Variants in SRSF12 observed in about 807,000 individuals in gnomAD.
The protein encoded by SRSF12 is serine/arginine-rich splicing factor 12.
Under a neutral mutation model 34.1 loss-of-function variants are expected in SRSF12, and 21 were observed. That is an observed-to-expected ratio of 0.62 (90% CI 0.44 to 0.89). The LOEUF (loss-of-function observed/expected upper bound fraction) is 0.89, where lower values mean the gene tolerates loss of function less well. Ranked by LOEUF, SRSF12 falls within the 40% of genes least tolerant of loss-of-function variation. The probability of loss-of-function intolerance (pLI) is 0.00; values close to 1 mark genes in which losing one functional copy is unlikely to be tolerated. For synonymous variants in SRSF12, 111 were observed against 110.8 expected (o/e 1.00, Z -0.01); for missense variants, 278 against 327.8 (o/e 0.85, Z 1.17).
At chr6:89,106,070 T>C (rs6454734) in intron 2 of SRSF12, 99,388 of 152,090 alleles carry the variant, frequency 0.65, 33,260 homozygotes, top group East Asian at 0.78. Flanking sequence ...AAACCGGATT[T>C]AGTGCTTTAA....
chr6:89,103,039 C>T (rs972949635), intron 4 of SRSF12, among the ~76,000 whole-genome samples: 2 of 152,152 alleles, frequency 1.3e-5, no homozygotes, highest in Non-Finnish European at 2.9e-5. Flanking sequence ...GCTGGGATCA[C>T]AGGTGTGAGC....
intron 2 of SRSF12, among the ~76,000 whole-genome samples, chr6:89,106,447 A>G (rs1362943712): frequency 6.6e-6 from 1 of 152,206 alleles, no homozygotes; most frequent in Non-Finnish European, 1.5e-5. Flanking sequence ...GGATATAAAT[A>G]TAAAAGAAAC....
At chr6:89,110,492 C>T (rs1259005690) in intron 1 of SRSF12, among the ~76,000 whole-genome samples, 1 of 152,164 alleles carries the variant, frequency 6.6e-6, no homozygotes, top group African/African-American at 2.4e-5. Context: ...TACAAAGTTA[C>T]ACATGAAGAC....
intron 1 of SRSF12, among the ~76,000 whole-genome samples, chr6:89,111,674 C>T (rs1478221735): frequency 1.3e-5 from 2 of 152,040 alleles, no homozygotes; most frequent in Non-Finnish European, 2.9e-5. Context: ...TGCAATAAAA[C>T]GTTGGCGGTT....
At chr6:89,113,258 C>T (rs552257842) in intron 1 of SRSF12, among the ~76,000 whole-genome samples, 1 of 152,280 alleles carries the variant, frequency 6.6e-6, no homozygotes, top group South Asian at 2.1e-4. Flanking sequence ...ACTGCAACCT[C>T]TGCCTCCCAG....
At chr6:89,100,282 T>A (rs1207092164) in intron 4 of SRSF12, among the ~76,000 whole-genome samples, 2 of 151,972 alleles carry the variant, frequency 1.3e-5, no homozygotes, top group Non-Finnish European at 2.9e-5. Context: ...GAGTTCAAAC[T>A]CCCAAAAGGT....
chr6:89,113,817 A>AT (rs1769168497), intron 1 of SRSF12, among the ~76,000 whole-genome samples: 2 of 151,826 alleles, frequency 1.3e-5, no homozygotes, highest in Non-Finnish European at 2.9e-5. Context: ...TAATTTTTGT[A>AT]TTTTTTGGTG....
chr6:89,115,044 C>G (rs975876278), intron 1 of SRSF12, among the ~76,000 whole-genome samples: 7 of 152,102 alleles, frequency 4.6e-5, no homozygotes, highest in African/African-American at 1.7e-4. Flanking sequence ...GATCTGCCCA[C>G]CTCGGCCTCC....
rs1353724257 is a variant in SRSF12 at position 89,117,960 on chromosome 6, C to T, written c.-73G>A. ...GCTCCGTCTCCCGCTACCGCTGCTACCACCACAGGAGCTCCGCCGGCCCCC... is the reference window on the plus strand; with the variant it reads ...GCTCCGTCTCCCGCTACCGCTGCTATCACCACAGGAGCTCCGCCGGCCCCC... On this transcript the variant is annotated 5_prime_UTR_variant, in exon 1 of 5. Transcript: ENST00000452027. The T allele has an allele frequency of 2.0e-6, 3 of 1,465,390 alleles. No homozygotes were observed. The highest frequency in any genetic ancestry group is 2.7e-6 in the Non-Finnish European group (3 of 1,091,546). 90.8% of individuals were successfully genotyped at this position (1,465,390 alleles called of 1,614,324 possible).
rs368228595 is a variant in SRSF12, at chr6:89,117,781, G to T, written c.65+42C>A. 69 of 1,519,484 alleles carry T rather than the reference G, an allele frequency of 4.5e-5. No homozygotes were observed. The African/African-American group carries it at 7.8e-4, about 17-fold the overall frequency. 94.1% of individuals were successfully genotyped at this position (1,519,484 alleles called of 1,614,324 possible). Reference sequence around the variant, plus strand: ...TGCTCCGCGGCGCGGCTGTTACCCCGCCCCTCCTCCGCGCCCCCAACCTGC... The same window carrying T: ...TGCTCCGCGGCGCGGCTGTTACCCCTCCCCTCCTCCGCGCCCCCAACCTGC... On this transcript the variant is annotated intron_variant, in intron 1 of 4. Coordinates refer to ENST00000452027, the MANE Select transcript of SRSF12 (RefSeq NM_080743.5).
rs1768721198 is a variant in SRSF12, at chr6:89,105,021, G to A, written c.416+98C>T. On this transcript the variant is annotated intron_variant, in intron 4 of 4. Transcript: ENST00000452027. ...CAGTGGGCCATGATCGCACACTACT[G>A]CACTCCAGCCTGGGAAACAATGAGA... 4.8e-6 allele frequency: 6 copies of A among 1,254,512 alleles called. No individual in the cohort carries two copies. In the East Asian group the frequency reaches 1.6e-4, roughly 33 times the overall value. The allele number at this position is 1,254,512 out of a possible 1,614,324, so 77.7% of individuals were successfully genotyped here. A position where few individuals can be genotyped will look rare whatever the true frequency, so the allele number is the denominator to read the frequency against.
intron 4 of SRSF12, among the ~76,000 whole-genome samples, chr6:89,104,042 G>T (rs1582259228): frequency 1.8e-5 from 2 of 108,366 alleles, no homozygotes; most frequent in Non-Finnish European, 3.5e-5. Context: ...TCACCATGTT[G>T]GCCAGGCTAG....
At position 89,102,941 on chromosome 6, in the gene SRSF12, T is replaced by G. The variant is rs1768604207; in HGVS notation, c.416+2178A>C. On this transcript the variant is annotated intron_variant, in intron 4 of 4. Coordinates refer to ENST00000452027, the MANE Select transcript of SRSF12 (RefSeq NM_080743.5). The stretch of plus-strand genomic sequence containing the variant: ...CCACACGTGGCTAATTTTTTTTAGT[T>G]TTTGTAGACATGGGGGTCTCACTAT... Among the ~76,000 whole-genome samples the G allele has an allele frequency of 2.0e-5, 3 of 152,112 alleles. No homozygotes were observed. The South Asian group carries it at 6.2e-4, about 32-fold the overall frequency.
chr6:89,112,990 C>T (rs923619298), intron 1 of SRSF12, among the ~76,000 whole-genome samples: 11 of 152,102 alleles, frequency 7.2e-5, no homozygotes, highest in African/African-American at 1.9e-4. Flanking sequence ...CTAGAAGCAA[C>T]GGGCCACACC....
chr6:89,112,637 C>T (rs1282750896), intron 1 of SRSF12, among the ~76,000 whole-genome samples: 1 of 151,756 alleles, frequency 6.6e-6, no homozygotes, highest in South Asian at 2.1e-4. Flanking sequence ...GCCTTGAACT[C>T]CTGTCCTCAA....
At chr6:89,113,171 T>A (rs1476029915) in intron 1 of SRSF12, among the ~76,000 whole-genome samples, 1 of 152,074 alleles carries the variant, frequency 6.6e-6, no homozygotes, top group Non-Finnish European at 1.5e-5. Flanking sequence ...TAACATTTTA[T>A]CCCAATGATT....
intron 1 of SRSF12, among the ~76,000 whole-genome samples, chr6:89,113,952 A>G (rs1769175285): frequency 6.6e-6 from 1 of 152,184 alleles, no homozygotes; most frequent in South Asian, 2.1e-4. Flanking sequence ...CTTTAAAGCT[A>G]ATTTTAAAAG....
chr6:89,110,601 C>A (rs1769000132), intron 1 of SRSF12, among the ~76,000 whole-genome samples: 1 of 152,136 alleles, frequency 6.6e-6, no homozygotes, highest in South Asian at 2.1e-4. Flanking sequence ...AGCCTCTGAT[C>A]CTTTTGTTAC....
intron 4 of SRSF12, among the ~76,000 whole-genome samples, chr6:89,104,703 G>C (rs115995510): frequency 6.6e-6 from 1 of 151,996 alleles, no homozygotes; most frequent in Non-Finnish European, 1.5e-5. Context: ...AACAAAAATT[G>C]ATTATGTTTG....
Sources: allele counts gnomAD v4.1 joint callset (sites outside exome capture counted in the v4.1 genomes callset), GRCh38; gene constraint gnomAD v4.1.1; transcripts MANE v1.5; gene names NCBI Gene and HGNC (gene_info 2026-07-23, HGNC 2026-07-21).